Variants in DENND1B observed in about 807,000 individuals in gnomAD.
The protein encoded by DENND1B is DENN domain containing 1B.
Under a neutral mutation model 90.1 loss-of-function variants are expected in DENND1B, and 59 were observed. The observed-to-expected ratio is 0.65, with a 90% CI of 0.53 to 0.81. The LOEUF is 0.81. Among genes scored for constraint, DENND1B ranks in the 40% least tolerant of loss-of-function variants. The probability of loss-of-function intolerance (pLI) is 0.00; values close to 1 mark genes in which losing one functional copy is unlikely to be tolerated. For missense variants in DENND1B, 862 were observed against 912.6 expected (o/e 0.94, Z 0.71); for synonymous variants, 337 against 324.6 (o/e 1.04, Z -0.41).
intron 2 of DENND1B, chr1:197,747,142 C>G: frequency 1.3e-6 from 1 of 767,300 alleles, no homozygotes; most frequent in Non-Finnish European, 2.3e-6. Flanking sequence ...TTTTCTGGAG[C>G]GTTTTCTTTT....
chr1:197,690,308 A>G (rs2126016749), intron 3 of DENND1B: 1 of 193,550 alleles, frequency 5.2e-6, no homozygotes, highest in Admixed American at 5.4e-5. Context: ...TGAGCCAACC[A>G]GGCCAAATAG....
At chr1:197,758,429 C>G (rs2102445545) in intron 2 of DENND1B, among the ~76,000 whole-genome samples, 1 of 152,220 alleles carries the variant, frequency 6.6e-6, no homozygotes, top group East Asian at 1.9e-4. Flanking sequence ...GGCTAACAAC[C>G]ACAACACAGA....
intron 20 of DENND1B, among the ~76,000 whole-genome samples, chr1:197,515,725 G>A (rs1432492420): frequency 6.6e-6 from 1 of 151,760 alleles, no homozygotes; most frequent in East Asian, 1.9e-4. Context: ...ATACTACGAA[G>A]TTAAATTAAG....
At chr1:197,605,011 A>G (rs369198878) in intron 13 of DENND1B, among the ~76,000 whole-genome samples, 2 of 151,150 alleles carry the variant, frequency 1.3e-5, no homozygotes, top group South Asian at 4.1e-4. Context: ...TCCTAGCTCC[A>G]TCTCAGAACT....
intron 10 of DENND1B, among the ~76,000 whole-genome samples, chr1:197,627,791 GC>G (rs779345044): frequency 9.9e-5 from 15 of 152,242 alleles, no homozygotes; most frequent in Admixed American, 3.3e-4. Context: ...CATTGTCTCA[GC>G]CCAAAATCTC....
intron 20 of DENND1B, among the ~76,000 whole-genome samples, chr1:197,535,789 C>T (rs1027255744): frequency 5.9e-5 from 9 of 152,178 alleles, no homozygotes; most frequent in East Asian, 1.9e-4. Context: ...GTTTATTGAA[C>T]GAAGAATTAA....
intron 14 of DENND1B, among the ~76,000 whole-genome samples, chr1:197,583,938 T>A (rs1447290674): frequency 6.6e-6 from 1 of 152,162 alleles, no homozygotes; most frequent in Non-Finnish European, 1.5e-5. Flanking sequence ...CATCACCCAC[T>A]GGCTAATTCC....
intron 18 of DENND1B, among the ~76,000 whole-genome samples, chr1:197,543,720 G>T (rs1057170488): frequency 2.6e-5 from 4 of 152,044 alleles, no homozygotes; most frequent in African/African-American, 7.2e-5. Context: ...TTGGCCTTAT[G>T]GTTAGGGATC....
intron 2 of DENND1B, among the ~76,000 whole-genome samples, chr1:197,744,730 T>C (rs1236087318): frequency 6.6e-6 from 1 of 152,212 alleles, no homozygotes; most frequent in African/African-American, 2.4e-5. Flanking sequence ...AGCCTGTACT[T>C]TGAAACTCAG....
chr1:197,546,319 A>G (rs1670814729), intron 17 of DENND1B, among the ~76,000 whole-genome samples: 1 of 152,198 alleles, frequency 6.6e-6, no homozygotes, highest in Non-Finnish European at 1.5e-5. Context: ...ATACAAGTTT[A>G]TCAGCTGTTT....
At chr1:197,778,325 T>C (rs1657348416), upstream of DENND1B, among the ~76,000 whole-genome samples, 1 of 152,230 alleles carries the variant, frequency 6.6e-6, no homozygotes, top group African/African-American at 2.4e-5. Context: ...TAATCTAGTC[T>C]GATCATCTTT....
chr1:197,738,090 T>C (rs1662880411), intron 2 of DENND1B, among the ~76,000 whole-genome samples: 1 of 152,232 alleles, frequency 6.6e-6, no homozygotes, highest in African/African-American at 2.4e-5. Context: ...CAGATTTCTC[T>C]GACACCTGTT....
intron 14 of DENND1B, 21 bp downstream of exon 14, chr1:197,595,187 G>C (rs781142730): frequency 1.3e-6 from 2 of 1,593,380 alleles, no homozygotes; most frequent in East Asian, 4.5e-5. Flanking sequence ...AATTAAAACA[G>C]TGATGAAACA....
the DENND1B span, among the ~76,000 whole-genome samples, chr1:197,781,738 GT>G: frequency 2.6e-5 from 4 of 152,154 alleles, no homozygotes; most frequent in Non-Finnish European, 5.9e-5. Context: ...TTAAAATCCA[GT>G]TTAATAAAAA....
At chr1:197,554,430 G>A (rs1208804512) in intron 15 of DENND1B, among the ~76,000 whole-genome samples, 1 of 151,826 alleles carries the variant, frequency 6.6e-6, no homozygotes, top group African/African-American at 2.4e-5. Flanking sequence ...TAAAGTAGCT[G>A]GTCTTTAAAA....
At chr1:197,570,229 C>CAA (rs34035389) in intron 15 of DENND1B, among the ~76,000 whole-genome samples, 63 of 135,542 alleles carry the variant, frequency 4.6e-4, no homozygotes, top group Middle Eastern at 3.8e-3. Flanking sequence ...CCCATATCTC[C>CAA]AAAAAAAAAA....
Position 197,568,004 on chromosome 1 carries a change from G to GGGAA in DENND1B, c.1150-14896_1150-14893dup, listed in dbSNP as rs539486255. Among the ~76,000 whole-genome samples the GGGAA allele has an allele frequency of 1.8e-3, 272 of 150,870 alleles. 1 individual carries two copies. Among genetic ancestry groups the GGGAA allele is most frequent in the African/African-American group, 1.9e-3 (80 of 41,158 alleles). On this transcript the variant is annotated intron_variant, in intron 15 of 22. Coordinates refer to ENST00000620048, the MANE Select transcript of DENND1B (RefSeq NM_001195215.2). ...CAAACTGGGGAGATGAGGGGAGGGA[G>GGGAA]GGAAGGAAGGAAGGAAGGAAGGGAC...
chr1:197,742,556 A>G (rs1221818748), intron 2 of DENND1B, among the ~76,000 whole-genome samples: 2 of 152,190 alleles, frequency 1.3e-5, no homozygotes, highest in African/African-American at 2.4e-5. Context: ...ATGTAAAATA[A>G]AGTAAAACTG....
At chr1:197,554,825 T>TC (rs1234413756) in intron 15 of DENND1B, among the ~76,000 whole-genome samples, 18 of 10,054 alleles carry the variant, frequency 1.8e-3, no homozygotes, top group Admixed American at 5.5e-3. Flanking sequence ...CTGGCAAGAC[T>TC]CCATCTCAAA....
Sources: gnomAD v4.1 joint callset for allele counts (sites outside exome capture counted in the v4.1 genomes callset) on GRCh38, gnomAD v4.1.1 for gene constraint, MANE v1.5 for transcripts, NCBI Gene and HGNC (gene_info 2026-07-23, HGNC 2026-07-21) for gene names.